Variants in ARHGAP39 observed in about 807,000 individuals in gnomAD.
ARHGAP39 encodes the protein rho GTPase-activating protein 39.
In ARHGAP39, 44 loss-of-function variants were observed where a neutral mutation model predicts 106.9. That is an observed-to-expected ratio of 0.41 (90% confidence interval 0.32 to 0.53). The LOEUF is 0.53. ARHGAP39 is among the 20% of genes least tolerant of loss of function. The pLI, the probability that ARHGAP39 is intolerant of heterozygous loss-of-function variation, is 0.21. For synonymous variants in ARHGAP39, 768 were observed against 693.2 expected (o/e 1.11, Z -1.69); for missense variants, 1,496 against 1,577.3 (o/e 0.95, Z 0.87).
intron 3 of ARHGAP39, among the ~76,000 whole-genome samples, chr8:144,580,025 G>A (rs1818911408): frequency 6.6e-6 from 1 of 151,504 alleles, no homozygotes; most frequent in African/African-American, 2.4e-5. Flanking sequence ...GCCTGCCTCA[G>A]CCCTTCCCCA....
chr8:144,570,660 C>CT, intron 3 of ARHGAP39, among the ~76,000 whole-genome samples: 1 of 152,030 alleles, frequency 6.6e-6, no homozygotes, highest in Non-Finnish European at 1.5e-5. Context: ...TAGGAGGAGA[C>CT]TTTAACTCTC....
At chr8:144,620,051 C>A (rs376796910) in intron 1 of ARHGAP39, among the ~76,000 whole-genome samples, 1 of 127,592 alleles carries the variant, frequency 7.8e-6, no homozygotes, top group East Asian at 2.6e-4. Flanking sequence ...TGTGCCTGTG[C>A]GTCCCTGAGA....
intron 3 of ARHGAP39, among the ~76,000 whole-genome samples, chr8:144,559,955 T>A (rs116702471): frequency 2.5e-3 from 377 of 152,366 alleles, no homozygotes; most frequent in African/African-American, 8.8e-3. Flanking sequence ...ACGTTGACAC[T>A]CAAAACGTTC....
At position 144,644,950 on chromosome 8, in the gene ARHGAP39, G is replaced by A. The variant is rs1015453722; in HGVS notation, c.-81-39255C>T. 1.2e-4 allele frequency among the ~76,000 whole-genome samples: 18 copies of A among 152,238 alleles called. No homozygotes were observed. The highest frequency in any genetic ancestry group is 7.2e-5 in the African/African-American group (3 of 41,464). ...GCTCCGTGCTGCCACACCCTGCCCA[G>A]TGCGCCCATTCAGGACAGAAGTCAG... On this transcript the variant is annotated intron_variant, in intron 1 of 11. Transcript: ENST00000377307. The surrounding 1 kb of genome is among the most constrained non-coding windows in gnomAD (Gnocchi z 4.8).
rs959822498 is a variant in ARHGAP39 at position 144,530,317 on chromosome 8, C to G, written c.*105G>C. The G allele has an allele frequency of 1.2e-5, 16 of 1,296,038 alleles. No homozygotes were observed. The South Asian group carries it at 1.7e-4, about 14-fold the overall frequency. 80.3% of individuals were successfully genotyped at this position (1,296,038 alleles called of 1,614,324 possible). ...GGGGCCTGGGGGAGTGGAGGGGGCT[C>G]CAGGGCTGGGCCGGGCGATTCTGGC... is the stretch of plus-strand genomic sequence containing the variant. On this transcript the variant is annotated 3_prime_UTR_variant, in exon 12 of 12. Coordinates refer to ENST00000377307, the MANE Select transcript of ARHGAP39 (RefSeq NM_025251.3).
chr8:144,679,226 A>G lies in ARHGAP39; in HGVS notation c.-82+6460T>C, dbSNP rs1218472274. Reference sequence around the variant, plus strand: ...TCAGTCATGGTGAGATGGCCCAGACAGCAGGTACGGGCTCCTCAGCTCTGC... The same window carrying G: ...TCAGTCATGGTGAGATGGCCCAGACGGCAGGTACGGGCTCCTCAGCTCTGC... On this transcript the variant is annotated intron_variant, in intron 1 of 11. Transcript: ENST00000377307. The surrounding 1 kb of genome is among the most constrained non-coding windows in gnomAD (Gnocchi z 4.7). Among the ~76,000 whole-genome samples the G allele has an allele frequency of 1.3e-5, 2 of 152,230 alleles. No individual in the cohort carries two copies. The highest frequency in any genetic ancestry group is 2.1e-4 in the South Asian group (1 of 4,830).
intron 3 of ARHGAP39, among the ~76,000 whole-genome samples, chr8:144,564,617 A>G (rs1006709000): frequency 2.2e-4 from 34 of 152,368 alleles, no homozygotes; most frequent in African/African-American, 7.9e-4. Flanking sequence ...CATGTTAAGT[A>G]GAGACGTAGA....
In ARHGAP39 at chr8:144,530,620, G is replaced by A. The variant is rs765306043; in HGVS notation, c.3151-4C>T. On this transcript the variant is annotated splice_region_variant and splice_polypyrimidine_tract_variant and intron_variant, in intron 11 of 11. Coordinates refer to ENST00000377307, the MANE Select transcript of ARHGAP39 (RefSeq NM_025251.3). ...CGTTGGCCGGCTGCACGAAGACCTG[G>A]TGGAGGAGCGAGGGTGGGCGCGGAG... is the stretch of plus-strand genomic sequence containing the variant. 118 of 1,596,038 alleles carry A rather than the reference G, an allele frequency of 7.4e-5. No individual in the cohort carries two copies. The highest frequency in any genetic ancestry group is 4.9e-5 in the Non-Finnish European group (57 of 1,169,704).
At position 144,633,505 on chromosome 8, in the gene ARHGAP39, C is replaced by A. The variant is rs368884187; in HGVS notation, c.-81-27810G>T. Among the ~76,000 whole-genome samples, 12 of 152,182 alleles carry A rather than the reference C, an allele frequency of 7.9e-5. No individual in the cohort carries two copies. The South Asian group carries it at 2.5e-3, about 32-fold the overall frequency. On this transcript the variant is annotated intron_variant, in intron 1 of 11. Transcript: ENST00000377307. ...GAAAAGAAAAATTGGAATGTCCAGT[C>A]GGCAAAAAAAGAAAAGAAATCTTCC...
chr8:144,558,450 G>A (rs919140285), intron 3 of ARHGAP39, among the ~76,000 whole-genome samples: 4 of 151,900 alleles, frequency 2.6e-5, no homozygotes, highest in Admixed American at 6.6e-5. Flanking sequence ...CTGCCACCAC[G>A]CCTGGCTAAT....
At chr8:144,624,087 C>G (rs926617840) in intron 1 of ARHGAP39, among the ~76,000 whole-genome samples, 1 of 152,174 alleles carries the variant, frequency 6.6e-6, no homozygotes, top group African/African-American at 2.4e-5. Flanking sequence ...CAGACCTCAC[C>G]AGCACGCAGG....
intron 1 of ARHGAP39, among the ~76,000 whole-genome samples, chr8:144,620,792 G>A (rs954794408): frequency 1.2e-4 from 19 of 152,272 alleles, no homozygotes; most frequent in Non-Finnish European, 2.8e-4. Context: ...GCGCCTACGT[G>A]TGAGAAGATG....
Position 144,530,045 on chromosome 8 carries a change from G to A in ARHGAP39, c.*377C>T. On this transcript the variant is annotated 3_prime_UTR_variant, in exon 12 of 12. Coordinates refer to ENST00000377307, the MANE Select transcript of ARHGAP39 (RefSeq NM_025251.3). Reference sequence around the variant, plus strand: ...AGAAAGGGAAGGAGAGACCGGGGCGGCTGGGCAAGGCCCAGGCCAGGGCGC... The same window carrying A: ...AGAAAGGGAAGGAGAGACCGGGGCGACTGGGCAAGGCCCAGGCCAGGGCGC... The A allele has an allele frequency of 4.4e-6, 1 of 228,110 alleles. No individual in the cohort carries two copies. The highest frequency in any genetic ancestry group is 8.6e-6 in the Non-Finnish European group (1 of 116,334). The allele number at this position is 228,110 out of a possible 1,614,324, so 14.1% of individuals were successfully genotyped here. A position where few individuals can be genotyped will look rare whatever the true frequency, so the allele number is the denominator to read the frequency against.
Position 144,593,005 on chromosome 8 carries a change from T to C in ARHGAP39, c.81-11728A>G, listed in dbSNP as rs1399932164. Among the ~76,000 whole-genome samples, 3 of 152,152 alleles carry C rather than the reference T, an allele frequency of 2.0e-5. No homozygotes were observed. The East Asian group carries it at 5.8e-4, about 29-fold the overall frequency. ...TTGAGGAATATTCATTTGGCAACAGTATTTAAAATGAAGTGGGAAGAGAAA... is the reference window on the plus strand; with the variant it reads ...TTGAGGAATATTCATTTGGCAACAGCATTTAAAATGAAGTGGGAAGAGAAA... On this transcript the variant is annotated intron_variant, in intron 2 of 11. Coordinates refer to ENST00000377307, the MANE Select transcript of ARHGAP39 (RefSeq NM_025251.3).
At chr8:144,688,064 T>C (rs1001435681), upstream of ARHGAP39, among the ~76,000 whole-genome samples, 1 of 152,090 alleles carries the variant, frequency 6.6e-6, no homozygotes, top group South Asian at 2.1e-4. Flanking sequence ...CACACTTAAC[T>C]AATTAAAAAT....
At chr8:144,550,981 CA>C (rs2130850968) in intron 4 of ARHGAP39, among the ~76,000 whole-genome samples, 1 of 152,366 alleles carries the variant, frequency 6.6e-6, no homozygotes, top group African/African-American at 2.4e-5. Context: ...GAAGATTCAA[CA>C]AAACAACGTG....
intron 1 of ARHGAP39, among the ~76,000 whole-genome samples, chr8:144,665,912 A>T (rs1039772708): frequency 1.3e-5 from 2 of 152,196 alleles, no homozygotes; most frequent in African/African-American, 2.4e-5. Context: ...CTGACCCCAG[A>T]ATGGTAGATC....
At position 144,530,112 on chromosome 8, in the gene ARHGAP39, G is replaced by A. The variant is rs1816613693; in HGVS notation, c.*310C>T. 1 of 359,888 alleles carries A rather than the reference G, an allele frequency of 2.8e-6. No homozygotes were observed. Among genetic ancestry groups the A allele is most frequent in the East Asian group, 5.4e-5 (1 of 18,444 alleles). The allele number at this position is 359,888 out of a possible 1,614,324, so 22.3% of individuals were successfully genotyped here. ...GGCAGCCCGGCCCCAAGGAGGCAGC[G>A]TCGCTCGGCTCCAGGACACAGAAGG... On this transcript the variant is annotated 3_prime_UTR_variant, in exon 12 of 12. Coordinates refer to ENST00000377307, the MANE Select transcript of ARHGAP39 (RefSeq NM_025251.3).
At chr8:144,638,007 T>C (rs1483153520) in intron 1 of ARHGAP39, among the ~76,000 whole-genome samples, 1 of 152,188 alleles carries the variant, frequency 6.6e-6, no homozygotes, top group Admixed American at 6.5e-5. Context: ...TTCTTTCCTT[T>C]TAAAACATTT....
Sources: gnomAD v4.1 joint callset for allele counts (sites outside exome capture counted in the v4.1 genomes callset) on GRCh38, gnomAD v4.1.1 for gene constraint, Gnocchi (gnomAD v3.1) non-coding constraint, MANE v1.5 for transcripts, NCBI Gene and HGNC (gene_info 2026-07-23, HGNC 2026-07-21) for gene names.